The following PLA2G10 variants were observed in gnomAD, a reference collection of about 807,000 sequenced individuals.
The protein encoded by PLA2G10 is phospholipase A2 group X.
PLA2G10 carries 9 observed loss-of-function variants against 7.9 expected under a neutral mutation model. The observed-to-expected ratio is 1.14, with a 90% CI of 0.68 to 1.98. PLA2G10 has a LOEUF of 1.98. Among genes scored for constraint, PLA2G10 ranks in the 30% most tolerant of loss-of-function variants. The pLI, the probability that PLA2G10 is intolerant of heterozygous loss-of-function variation, is 0.00. For synonymous variants in PLA2G10, 19 were observed against 27.5 expected, an observed-to-expected ratio of 0.69 and a Z score of 0.97; for missense variants, 53 against 65.4, an observed-to-expected ratio of 0.81 and a Z score of 0.66.
chr16:14,683,685 T>G (rs1207863645), intron 3 of PLA2G10, among the ~76,000 whole-genome samples: 2 of 152,130 alleles, frequency 1.3e-5, no homozygotes, highest in African/African-American at 4.8e-5. Flanking sequence ...AATGGATCAA[T>G]GACCTAAATA....
chr16:14,682,318 C>T (rs1011753951), intron 3 of PLA2G10, among the ~76,000 whole-genome samples: 2 of 152,162 alleles, frequency 1.3e-5, no homozygotes, highest in African/African-American at 2.4e-5. Context: ...CGCGGTGGCT[C>T]GTGCCTGTAA....
At chr16:14,682,497 C>T (rs1397529540) in intron 3 of PLA2G10, among the ~76,000 whole-genome samples, 2 of 152,000 alleles carry the variant, frequency 1.3e-5, no homozygotes, top group African/African-American at 4.8e-5. Flanking sequence ...ATCACTTGAA[C>T]CTGGGAGGCA....
intron 3 of PLA2G10, among the ~76,000 whole-genome samples, chr16:14,687,322 G>T (rs977416433): frequency 8.6e-5 from 13 of 150,842 alleles, no homozygotes; most frequent in African/African-American, 2.9e-4. Context: ...TGGTTGGTTA[G>T]GTAAAATTTT....
chr16:14,675,845 A>G (rs1334725152), intron 3 of PLA2G10, among the ~76,000 whole-genome samples: 1 of 150,804 alleles, frequency 6.6e-6, no homozygotes, highest in Non-Finnish European at 1.5e-5. Context: ...AGGCTGAGGC[A>G]GGAGAATCAT....
intron 3 of PLA2G10, among the ~76,000 whole-genome samples, chr16:14,675,462 A>G (rs1054439797): frequency 3.3e-5 from 5 of 152,166 alleles, no homozygotes; most frequent in Admixed American, 3.3e-4. Flanking sequence ...CAAAACAAAA[A>G]TAAATAAATA....
At chr16:14,678,916 G>T (rs1044786693) in intron 3 of PLA2G10, among the ~76,000 whole-genome samples, 1 of 151,922 alleles carries the variant, frequency 6.6e-6, no homozygotes, top group Non-Finnish European at 1.5e-5. Context: ...TCACTCTGGG[G>T]GACTCTGCTC....
intron 3 of PLA2G10, among the ~76,000 whole-genome samples, chr16:14,683,040 G>T (rs1960935826): frequency 6.6e-6 from 1 of 151,822 alleles, no homozygotes; most frequent in Non-Finnish European, 1.5e-5. Flanking sequence ...CTGCACTTCA[G>T]CCTGGGCGAC....
chr16:14,683,896 A>G (rs1960968177), intron 3 of PLA2G10, among the ~76,000 whole-genome samples: 1 of 152,168 alleles, frequency 6.6e-6, no homozygotes, highest in Non-Finnish European at 1.5e-5. Context: ...ATGGGAGAAA[A>G]TATTTGCAAA....
Position 14,677,714 on chromosome 16 carries a change from C to A in PLA2G10, c.356-4965G>T, listed in dbSNP as rs953683239. Among the ~76,000 whole-genome samples, 3 of 151,936 alleles carry A rather than the reference C, an allele frequency of 2.0e-5. No homozygotes were observed. The East Asian group carries it at 5.8e-4, about 30-fold the overall frequency. On this transcript the variant is annotated intron_variant, in intron 3 of 3. Transcript: ENST00000438167. ...CCATTCCCCTCAAGCAGGCACTCCC[C>A]ATGGATGGATGGATGGATGGATGGA...
At chr16:14,684,217 C>T (rs1043130632) in intron 3 of PLA2G10, among the ~76,000 whole-genome samples, 13 of 149,474 alleles carry the variant, frequency 8.7e-5, no homozygotes, top group African/African-American at 2.2e-4. Flanking sequence ...AAAAATTAGC[C>T]GGGCGTGGTG....
chr16:14,674,147 G>C (rs977166369), intron 3 of PLA2G10, among the ~76,000 whole-genome samples: 4 of 150,704 alleles, frequency 2.7e-5, no homozygotes, highest in Admixed American at 2.0e-4. Flanking sequence ...AAGGAAAATA[G>C]CTACCCCAAA....
At chr16:14,686,612 T>C (rs1489996291) in intron 3 of PLA2G10, among the ~76,000 whole-genome samples, 2 of 152,258 alleles carry the variant, frequency 1.3e-5, no homozygotes, top group Middle Eastern at 6.8e-3. Context: ...GTGATTCTCC[T>C]GCGTCAGACT....
chr16:14,684,978 T>C (rs1316202194), intron 3 of PLA2G10, among the ~76,000 whole-genome samples: 3 of 152,158 alleles, frequency 2.0e-5, no homozygotes, highest in African/African-American at 7.2e-5. Flanking sequence ...ACAACCCAAA[T>C]GCCCATCATT....
intron 3 of PLA2G10, among the ~76,000 whole-genome samples, chr16:14,686,673 T>C (rs1329508333): frequency 1.3e-5 from 2 of 152,108 alleles, no homozygotes; most frequent in African/African-American, 4.8e-5. Flanking sequence ...GGTAATTTTG[T>C]ATTTTTAGTA....
At chr16:14,682,811 G>A (rs1418181434) in intron 3 of PLA2G10, among the ~76,000 whole-genome samples, 1 of 152,132 alleles carries the variant, frequency 6.6e-6, no homozygotes. Context: ...GCTCATACCT[G>A]TAATCCCAGC....
intron 3 of PLA2G10, among the ~76,000 whole-genome samples, chr16:14,673,016 C>CTTT (rs1293093227): frequency 5.4e-5 from 7 of 128,556 alleles, no homozygotes; most frequent in Non-Finnish European, 1.2e-4. Flanking sequence ...TTTTTCTTTT[C>CTTT]TTTTTTTTTT....
chr16:14,680,832 A>C (rs1214386967), intron 3 of PLA2G10, among the ~76,000 whole-genome samples: 1 of 152,052 alleles, frequency 6.6e-6, no homozygotes, highest in African/African-American at 2.4e-5. Flanking sequence ...GGAGCCCGGC[A>C]GAGTAGACTC....
chr16:14,683,236 GTTTT>G (rs765772776), intron 3 of PLA2G10, among the ~76,000 whole-genome samples: 1 of 135,076 alleles, frequency 7.4e-6, no homozygotes. Context: ...TTCTTTTTTT[GTTTT>G]TTTTTTTTTT....
chr16:14,687,085 G>A (rs1398973124), intron 3 of PLA2G10, among the ~76,000 whole-genome samples: 3 of 150,356 alleles, frequency 2.0e-5, no homozygotes, highest in Admixed American at 6.6e-5. Flanking sequence ...TCCAGCCTGG[G>A]CAACAGGAGT....
Sources: gnomAD v4.1 joint callset for allele counts (sites outside exome capture counted in the v4.1 genomes callset) on GRCh38, gnomAD v4.1.1 for gene constraint, MANE v1.5 for transcripts, NCBI Gene and HGNC (gene_info 2026-07-23, HGNC 2026-07-21) for gene names.